The following DOCK2 variants were observed in gnomAD, a reference collection of about 807,000 sequenced individuals.
DOCK2 encodes dedicator of cytokinesis protein 2.
In DOCK2, 87 loss-of-function variants were observed where a neutral mutation model predicts 248.9. The ratio of observed to expected loss-of-function variants is 0.35; its 90% CI spans 0.29 to 0.42. DOCK2 has a LOEUF of 0.42. Ranked by LOEUF, DOCK2 falls within the 10% of genes least tolerant of loss-of-function variation. DOCK2 has a pLI of 1.00. For synonymous variants in DOCK2, 805 were observed against 821.6 expected, an observed-to-expected ratio of 0.98 and a Z score of 0.35; for missense variants, 1,747 against 2,300.2, an observed-to-expected ratio of 0.76 and a Z score of 4.92.
intron 27 of DOCK2, among the ~76,000 whole-genome samples, chr5:169,961,858 A>G (rs1258542781): frequency 1.3e-5 from 2 of 151,728 alleles, no homozygotes; most frequent in African/African-American, 4.9e-5. Flanking sequence ...AGGCACCTGT[A>G]ATCCCAGCTA....
chr5:169,698,458 T>C lies in DOCK2; in HGVS notation c.1055+9T>C. 6.2e-7 allele frequency: 1 copy of C among 1,613,834 alleles called. No individual in the cohort carries two copies. Among genetic ancestry groups the C allele is most frequent in the Non-Finnish European group, 8.5e-7 (1 of 1,179,760 alleles). ...TTCATTCCTTTTCACCCGTAAGACATTTCCCATTTCTTTCCATTCTCTTCA... is the reference window on the plus strand; with the variant it reads ...TTCATTCCTTTTCACCCGTAAGACACTTCCCATTTCTTTCCATTCTCTTCA... On this transcript the variant is annotated intron_variant, in intron 11 of 51. Transcript: ENST00000520908.
chr5:169,855,254 A>C (rs796869505), intron 27 of DOCK2, among the ~76,000 whole-genome samples: 1 of 152,244 alleles, frequency 6.6e-6, no homozygotes, highest in African/African-American at 2.4e-5. Flanking sequence ...TTTTATTATC[A>C]CTATCAGTAG....
At chr5:169,859,476 G>A (rs1249552850) in intron 27 of DOCK2, among the ~76,000 whole-genome samples, 3 of 152,206 alleles carry the variant, frequency 2.0e-5, no homozygotes, top group African/African-American at 7.2e-5. Flanking sequence ...ATGCTTGATG[G>A]GCGTAGTGAT....
intron 27 of DOCK2, among the ~76,000 whole-genome samples, chr5:169,956,227 A>G (rs1220248642): frequency 6.6e-6 from 1 of 152,252 alleles, no homozygotes; most frequent in Admixed American, 6.5e-5. Flanking sequence ...GCTAAGCTGC[A>G]TAGCACAAAT....
Position 170,008,705 on chromosome 5 carries a change from G to T in DOCK2, c.3191G>T (p.Arg1064Leu), listed in dbSNP as rs185160653. The T allele has an allele frequency of 1.2e-6, 2 of 1,613,958 alleles. No homozygotes were observed. Among genetic ancestry groups the T allele is most frequent in the Middle Eastern group, 1.6e-4 (1 of 6,084 alleles). Residue 1064 changes from arginine (R) to leucine (L), a missense_variant, in exon 32 of 52, where the codon CGG (arginine) becomes CTG (leucine). Physicochemically the swap from Arg to Leu is moderately radical, Grantham distance 102. Coordinates refer to ENST00000520908, the MANE Select transcript of DOCK2 (RefSeq NM_004946.3). ...CCTCCTAGGTATGGGGACATGAGAC[G>T]GCTAATTGGCTTCTCCATCCGTGAT... ...KILNKYGDMR[R>L]LIGFSIRDMW... is the part of the protein sequence containing the mutation.
chr5:169,901,343 A>G (rs1438600374), intron 27 of DOCK2, among the ~76,000 whole-genome samples: 1 of 152,170 alleles, frequency 6.6e-6, no homozygotes, highest in African/African-American at 2.4e-5. Flanking sequence ...AGGAGTGATG[A>G]TATTGGTCCT....
At chr5:169,648,353 G>T (rs1249562240) in intron 1 of DOCK2, among the ~76,000 whole-genome samples, 1 of 152,148 alleles carries the variant, frequency 6.6e-6, no homozygotes, top group Admixed American at 6.5e-5. Context: ...TTCTAGTGGG[G>T]CAAATTCGCT....
At chr5:169,775,179 G>A (rs973954686) in intron 25 of DOCK2, among the ~76,000 whole-genome samples, 2 of 152,158 alleles carry the variant, frequency 1.3e-5, no homozygotes, top group Non-Finnish European at 2.9e-5. Context: ...CAAAGTGTTG[G>A]GATTACAGGC....
chr5:170,038,373 C>T (rs1459688914), intron 36 of DOCK2, among the ~76,000 whole-genome samples: 1 of 152,188 alleles, frequency 6.6e-6, no homozygotes, highest in African/African-American at 2.4e-5. Flanking sequence ...CCATATTTAT[C>T]TAAACCAGAC....
chr5:169,754,920 A>ATTATTTATTTAT (rs144364050), intron 23 of DOCK2, among the ~76,000 whole-genome samples: 61,358 of 141,010 alleles, frequency 0.44, 14,109 homozygotes, highest in East Asian at 0.56. Context: ...CCTATTTTTT[A>ATTATTTATTTAT]TTATTTATTT....
intron 1 of DOCK2, among the ~76,000 whole-genome samples, chr5:169,642,510 T>C (rs1757205984): frequency 6.6e-6 from 1 of 152,218 alleles, no homozygotes; most frequent in African/African-American, 2.4e-5. Flanking sequence ...CCAAAGCCAA[T>C]GCTTGGAGGG....
chr5:170,080,907 A>AGG (rs1758007976), intron 50 of DOCK2: 1 of 153,418 alleles, frequency 6.5e-6, no homozygotes, highest in Non-Finnish European at 1.5e-5. Context: ...CTGTGTGCTA[A>AGG]GGGCCAGGTC....
chr5:169,865,502 T>A (rs953818409), intron 27 of DOCK2, among the ~76,000 whole-genome samples: 3 of 152,178 alleles, frequency 2.0e-5, no homozygotes, highest in African/African-American at 7.2e-5. Context: ...CTCTTAGACA[T>A]CCCTGTGGGC....
chr5:169,709,412 C>T (rs567955020), intron 15 of DOCK2, among the ~76,000 whole-genome samples: 2 of 152,250 alleles, frequency 1.3e-5, no homozygotes, highest in South Asian at 2.1e-4. Flanking sequence ...ATTAAAATAA[C>T]GTTTTAGGCC....
chr5:169,946,172 G>A (rs1409898663), intron 27 of DOCK2, among the ~76,000 whole-genome samples: 1 of 152,176 alleles, frequency 6.6e-6, no homozygotes, highest in Non-Finnish European at 1.5e-5. Context: ...GACAGAGGAG[G>A]GGCCTCAAGC....
intron 27 of DOCK2, among the ~76,000 whole-genome samples, chr5:169,963,118 T>C (rs1777158175): frequency 6.6e-6 from 1 of 152,216 alleles, no homozygotes; most frequent in South Asian, 2.1e-4. Flanking sequence ...AACTACACCT[T>C]CTACCCCTCT....
At chr5:169,910,884 G>A (rs928793676) in intron 27 of DOCK2, among the ~76,000 whole-genome samples, 4 of 152,178 alleles carry the variant, frequency 2.6e-5, no homozygotes, top group Admixed American at 6.5e-5. Context: ...CCTGCAGGGG[G>A]TTGGTTAACC....
intron 22 of DOCK2, among the ~76,000 whole-genome samples, chr5:169,738,630 T>C (rs982084137): frequency 7.2e-5 from 11 of 152,190 alleles, no homozygotes; most frequent in African/African-American, 2.7e-4. Context: ...TCAACTCAGG[T>C]GCTTAAAAAA....
intron 2 of DOCK2, among the ~76,000 whole-genome samples, chr5:169,666,860 T>C (rs1013848463): frequency 2.6e-5 from 4 of 152,230 alleles, no homozygotes; most frequent in African/African-American, 9.6e-5. Context: ...GATTTATCCC[T>C]GGAAGCATGT....
Sources: gnomAD v4.1 joint callset for allele counts (sites outside exome capture counted in the v4.1 genomes callset) on GRCh38, gnomAD v4.1.1 for gene constraint, MANE v1.5 for transcripts, NCBI Gene and HGNC (gene_info 2026-07-23, HGNC 2026-07-21) for gene names.